The following TRIO variants were observed in gnomAD, a reference collection of about 807,000 sequenced individuals.
TRIO encodes the protein trio Rho guanine nucleotide exchange factor.
A neutral mutation model predicts 351.9 loss-of-function variants in TRIO; 58 were observed. The ratio of observed to expected loss-of-function variants is 0.16; its 90% CI spans 0.13 to 0.21. TRIO has a LOEUF of 0.21. Ranked by LOEUF, TRIO falls within the 10% of genes least tolerant of loss-of-function variation. TRIO has a pLI of 1.00. For missense variants in TRIO, 3,201 were observed against 4,027.8 expected (o/e 0.79, Z 5.56); for synonymous variants, 1,758 against 1,595.7 (o/e 1.10, Z -2.42).
At chr5:14,438,756 A>G (rs1261804350) in intron 34 of TRIO, among the ~76,000 whole-genome samples, 1 of 152,076 alleles carries the variant, frequency 6.6e-6, no homozygotes, top group Non-Finnish European at 1.5e-5. Context: ...CTCCTCTCCC[A>G]TCGGTCATTT....
At chr5:14,153,983 T>C (rs1787966614) in intron 1 of TRIO, among the ~76,000 whole-genome samples, 1 of 152,200 alleles carries the variant, frequency 6.6e-6, no homozygotes, top group Non-Finnish European at 1.5e-5. Flanking sequence ...TGTAATTTAG[T>C]TTCTGTGCCT....
chr5:14,149,412 A>G (rs1787697759), intron 1 of TRIO, among the ~76,000 whole-genome samples: 1 of 152,172 alleles, frequency 6.6e-6, no homozygotes, highest in African/African-American at 2.4e-5. Flanking sequence ...TCATGGAAAC[A>G]CTTAATTTGC....
intron 34 of TRIO, among the ~76,000 whole-genome samples, chr5:14,445,387 C>T (rs1752365011): frequency 1.3e-5 from 2 of 152,190 alleles, no homozygotes; most frequent in African/African-American, 4.8e-5. Context: ...AACTCCCAGA[C>T]AGAGCGAGCA....
In TRIO at chr5:14,484,788, A is replaced by G. The variant is rs113272567; in HGVS notation, c.6658-281A>G. On this transcript the variant is annotated intron_variant, in intron 46 of 56. Coordinates refer to ENST00000344204, the MANE Select transcript of TRIO (RefSeq NM_007118.4). ...CTTCCCCACCCCCAAGCCCCTGGCAACCTCCACTCTACTTCCTATCCCCAC... is the reference window on the plus strand; with the variant it reads ...CTTCCCCACCCCCAAGCCCCTGGCAGCCTCCACTCTACTTCCTATCCCCAC... Among the ~76,000 whole-genome samples, 1,816 of 152,156 alleles carry G rather than the reference A, an allele frequency of 0.012. 32 individuals carry two copies. The highest frequency in any genetic ancestry group is 0.036 in the African/African-American group (1,491 of 41,508).
chr5:14,278,072 C>G (rs2152274874), intron 2 of TRIO, among the ~76,000 whole-genome samples: 1 of 152,302 alleles, frequency 6.6e-6, no homozygotes, highest in Non-Finnish European at 1.5e-5. Context: ...ATTCAGGTGT[C>G]TATAAGCTTT....
Position 14,487,576 on chromosome 5 carries a change from C to T in TRIO, c.6948C>T (p.Gly2316=), listed in dbSNP as rs1454954312. The T allele has an allele frequency of 1.8e-6, 2 of 1,131,884 alleles. No individual in the cohort carries two copies. The highest frequency in any genetic ancestry group is 2.2e-6 in the Non-Finnish European group (2 of 916,118). 70.1% of individuals were successfully genotyped at this position (1,131,884 alleles called of 1,614,324 possible). A position where few individuals can be genotyped will look rare whatever the true frequency, so the allele number is the denominator to read the frequency against. The change falls in exon 48 of 57, where the codon GGC becomes GGT. Residue 2316 remains glycine, a synonymous_variant. Transcript: ENST00000344204. ...GCGGCGGCGGCGGGGCCCCCAGTGG[C>T]GGCAGCGGCCACAGTGGCGGCCCCA... ...GGSGGGGAPS[G]GSGHSGGPSS...
At chr5:14,336,845 T>G in intron 11 of TRIO, 118 bp downstream of exon 11, 1 of 1,097,662 alleles carries the variant, frequency 9.1e-7, no homozygotes, top group South Asian at 1.5e-5. Context: ...AGTTGTAAGA[T>G]GTAGCCCATT....
At chr5:14,147,669 A>T (rs998262827) in intron 1 of TRIO, among the ~76,000 whole-genome samples, 5 of 152,230 alleles carry the variant, frequency 3.3e-5, no homozygotes, top group African/African-American at 1.2e-4. Flanking sequence ...AATCAAGTCT[A>T]TTAGGGAGAA....
At chr5:14,322,273 A>T (rs1739957120) in intron 9 of TRIO, among the ~76,000 whole-genome samples, 1 of 152,194 alleles carries the variant, frequency 6.6e-6, no homozygotes, top group Admixed American at 6.5e-5. Context: ...TTTCTTTTAA[A>T]ATGGGGGAGG....
At chr5:14,335,311 A>G (rs1292729503) in intron 10 of TRIO, among the ~76,000 whole-genome samples, 1 of 152,066 alleles carries the variant, frequency 6.6e-6, no homozygotes, top group Non-Finnish European at 1.5e-5. Flanking sequence ...ACCCTCACCG[A>G]TGAGACGCCT....
At position 14,169,938 on chromosome 5, in the gene TRIO, T is replaced by G. The variant is rs544372412; in HGVS notation, c.157+26056T>G. On this transcript the variant is annotated intron_variant, in intron 1 of 56. Coordinates refer to ENST00000344204, the MANE Select transcript of TRIO (RefSeq NM_007118.4). The stretch of plus-strand genomic sequence containing the variant: ...ACTAAAAACAAGTGGTAGCTAGTTT[T>G]CATAGGCAAAGGAGACAGTCTTTTA... Among the ~76,000 whole-genome samples, 7 of 152,372 alleles carry G rather than the reference T, an allele frequency of 4.6e-5. No homozygotes were observed. In the East Asian group the frequency reaches 1.3e-3, roughly 29 times the overall value.
Position 14,244,980 on chromosome 5 carries a change from C to T in TRIO, c.158-25845C>T, listed in dbSNP as rs1052041432. ...AGACAGGCCCAGGGGGATGCAGCTC[C>T]GAGTTAAGTACTTGAACATCGGGAG... On this transcript the variant is annotated intron_variant, in intron 1 of 56. Transcript: ENST00000344204. 1.1e-4 allele frequency among the ~76,000 whole-genome samples: 16 copies of T among 152,144 alleles called. 1 individual carries two copies. The highest frequency in any genetic ancestry group is 9.8e-4 in the Admixed American group (15 of 15,278).
chr5:14,381,087 G>A, intron 20 of TRIO, 43 bp from the exon 21 acceptor site: 2 of 1,585,286 alleles, frequency 1.3e-6, no homozygotes, highest in African/African-American at 2.7e-5. Context: ...CTCCTCTCAG[G>A]AATGTGTAGC....
intron 1 of TRIO, among the ~76,000 whole-genome samples, chr5:14,225,243 A>G (rs966498414): frequency 2.6e-5 from 4 of 152,312 alleles, no homozygotes; most frequent in African/African-American, 9.6e-5. Flanking sequence ...GAGATTTGGT[A>G]TACTTCTGAG....
intron 43 of TRIO, among the ~76,000 whole-genome samples, 156 bp from the exon 44 acceptor site, chr5:14,481,078 C>G (rs980666134): frequency 1.3e-5 from 2 of 152,264 alleles, no homozygotes; most frequent in Non-Finnish European, 2.9e-5. Context: ...GTAGTCCCAG[C>G]TACTCAGGAG....
intron 1 of TRIO, among the ~76,000 whole-genome samples, chr5:14,218,878 G>T (rs936416901): frequency 2.0e-5 from 3 of 152,368 alleles, no homozygotes; most frequent in South Asian, 4.1e-4. Context: ...AGAGGACTGG[G>T]ATGTGGAAGT....
intron 49 of TRIO, among the ~76,000 whole-genome samples, chr5:14,493,163 T>C (rs1023946156): frequency 6.6e-6 from 1 of 152,192 alleles, no homozygotes; most frequent in Admixed American, 6.5e-5. Flanking sequence ...TCTTTGTTTC[T>C]TTGACATACA....
chr5:14,297,336 T>C lies in TRIO; in HGVS notation c.1368+73T>C, dbSNP rs1036340849. The C allele has an allele frequency of 2.2e-5, 33 of 1,502,472 alleles. No individual in the cohort carries two copies. In the Admixed American group the frequency reaches 6.6e-4, roughly 30 times the overall value. 93.1% of individuals were successfully genotyped at this position (1,502,472 alleles called of 1,614,324 possible). On this transcript the variant is annotated intron_variant, in intron 7 of 56. Coordinates refer to ENST00000344204, the MANE Select transcript of TRIO (RefSeq NM_007118.4). ...CTTCCTCCATGAATATTGGTGTGTG[T>C]GCAAACACTCTTGTGTAGCACATAC...
intron 37 of TRIO, among the ~76,000 whole-genome samples, chr5:14,467,688 C>T (rs1045837394): frequency 6.6e-6 from 1 of 152,142 alleles, no homozygotes; most frequent in African/African-American, 2.4e-5. Flanking sequence ...GTAGCATGCA[C>T]CGGTAGTCCC....
Sources: gnomAD v4.1 joint callset for allele counts (sites outside exome capture counted in the v4.1 genomes callset) on GRCh38, gnomAD v4.1.1 for gene constraint, MANE v1.5 for transcripts, NCBI Gene and HGNC (gene_info 2026-07-23, HGNC 2026-07-21) for gene names.